The following RNGTT variants were observed in gnomAD, a reference collection of about 807,000 sequenced individuals.
RNGTT encodes the protein mRNA-capping enzyme.
Under a neutral mutation model 79.3 loss-of-function variants are expected in RNGTT, and 33 were observed. That is an observed-to-expected ratio of 0.42 (90% CI 0.32 to 0.56). RNGTT has a LOEUF of 0.56. Ranked by LOEUF, RNGTT falls within the 20% of genes least tolerant of loss-of-function variation. The pLI is 0.17. For missense variants in RNGTT, 497 were observed against 739.1 expected (o/e 0.67, Z 3.80); for synonymous variants, 222 against 235.9 (o/e 0.94, Z 0.54).
At chr6:88,622,378 T>C (rs957993653) in intron 14 of RNGTT, among the ~76,000 whole-genome samples, 8 of 152,186 alleles carry the variant, frequency 5.3e-5, no homozygotes, top group Non-Finnish European at 1.0e-4. Flanking sequence ...TTGTATTTAC[T>C]ATGATGACTA....
intron 14 of RNGTT, among the ~76,000 whole-genome samples, chr6:88,654,923 A>T (rs1292669146): frequency 6.6e-6 from 1 of 152,252 alleles, no homozygotes; most frequent in East Asian, 1.9e-4. Flanking sequence ...CATTACATGT[A>T]TATAAATACA....
At chr6:88,718,505 TAA>T (rs1006525365) in intron 13 of RNGTT, among the ~76,000 whole-genome samples, 9 of 151,716 alleles carry the variant, frequency 5.9e-5, no homozygotes, top group Non-Finnish European at 1.0e-4. Flanking sequence ...TGACAAAAAT[TAA>T]AAAAAATAAA....
intron 10 of RNGTT, among the ~76,000 whole-genome samples, chr6:88,847,775 T>G (rs1381951954): frequency 2.0e-5 from 3 of 152,016 alleles, no homozygotes; most frequent in South Asian, 2.1e-4. Flanking sequence ...TTATTAAAAT[T>G]TAAAGCTTCT....
chr6:88,664,259 G>A (rs1191369769), intron 14 of RNGTT, among the ~76,000 whole-genome samples: 1 of 152,142 alleles, frequency 6.6e-6, no homozygotes, highest in Admixed American at 6.5e-5. Context: ...AGGAAAGCAA[G>A]AAAGTCCAGT....
At chr6:88,713,670 C>A (rs1776396981) in intron 13 of RNGTT, among the ~76,000 whole-genome samples, 1 of 152,028 alleles carries the variant, frequency 6.6e-6, no homozygotes, top group Non-Finnish European at 1.5e-5. Context: ...TTTTTCTTTA[C>A]ATTGTAAAAA....
Position 88,906,421 on chromosome 6 carries a change from G to A in RNGTT, c.387C>T (p.Gly129=). The A allele has an allele frequency of 6.2e-7, 1 of 1,602,988 alleles. No individual in the cohort carries two copies. Among genetic ancestry groups the A allele is most frequent in the East Asian group, 2.2e-5 (1 of 44,684 alleles). The part of the protein sequence containing the change: ...PELIGVHCTH[G]FNRTGFLICA... ...ATATGAGGAAACCAGTGCGATTGAA[G>A]CCATGAGTACAATGAACACCTAGAA... The change falls in exon 5 of 16, where the codon GGC becomes GGT. Residue 129 remains glycine, a synonymous_variant. Transcript: ENST00000369485.
intron 12 of RNGTT, among the ~76,000 whole-genome samples, chr6:88,786,852 G>GT (rs1407103623): frequency 2.0e-5 from 3 of 152,088 alleles, no homozygotes; most frequent in African/African-American, 4.8e-5. Context: ...GTATTAGGAG[G>GT]TGGGACCTTT....
rs571440885 is a variant in RNGTT, at chr6:88,670,646, C to T, written c.1506+7707G>A. ...GTTAAACATCAACTCCTGACCTAACCGCTTGTGCTATCCATAGATTCCAGA... is the reference window on the plus strand; with the variant it reads ...GTTAAACATCAACTCCTGACCTAACTGCTTGTGCTATCCATAGATTCCAGA... On this transcript the variant is annotated intron_variant, in intron 14 of 15. Transcript: ENST00000369485. Among the ~76,000 whole-genome samples, 10 of 152,294 alleles carry T rather than the reference C, an allele frequency of 6.6e-5. No homozygotes were observed. The East Asian group carries it at 1.2e-3, about 18-fold the overall frequency.
intron 1 of RNGTT, among the ~76,000 whole-genome samples, chr6:88,946,645 TCTCC>T (rs1472695895): frequency 3.5e-4 from 53 of 151,470 alleles, no homozygotes; most frequent in African/African-American, 1.2e-3. Context: ...TCCCTCTCCC[TCTCC>T]CTCTCCCTCT....
intron 13 of RNGTT, among the ~76,000 whole-genome samples, chr6:88,760,298 C>T (rs1778169964): frequency 6.6e-6 from 1 of 152,048 alleles, no homozygotes; most frequent in Admixed American, 6.6e-5. Flanking sequence ...ACAGAGGAAA[C>T]AAGAGTTACT....
chr6:88,709,208 G>A (rs775256979), intron 13 of RNGTT, among the ~76,000 whole-genome samples: 12 of 152,252 alleles, frequency 7.9e-5, no homozygotes, highest in South Asian at 4.1e-4. Flanking sequence ...AGGAGGCTGA[G>A]GCAGGAGAAC....
chr6:88,871,018 A>T (rs1782335763), intron 8 of RNGTT, among the ~76,000 whole-genome samples: 1 of 152,176 alleles, frequency 6.6e-6, no homozygotes, highest in South Asian at 2.1e-4. Context: ...ATTTCAGAAA[A>T]TGCTGTTTGT....
chr6:88,837,290 G>T (rs964334204), intron 11 of RNGTT, among the ~76,000 whole-genome samples: 1 of 152,012 alleles, frequency 6.6e-6, no homozygotes, highest in Non-Finnish European at 1.5e-5. Context: ...CCAGCTACTC[G>T]GGAGGCTGAG....
chr6:88,818,419 C>T (rs1426857495), intron 11 of RNGTT, among the ~76,000 whole-genome samples: 1 of 151,380 alleles, frequency 6.6e-6, no homozygotes, highest in Non-Finnish European at 1.5e-5. Context: ...CCCGTCTCTA[C>T]TAAAAATACA....
intron 13 of RNGTT, among the ~76,000 whole-genome samples, chr6:88,754,217 G>A (rs1339638286): frequency 2.0e-5 from 3 of 152,006 alleles, no homozygotes; most frequent in East Asian, 3.9e-4. Context: ...TATGAAATTC[G>A]AGGGCTTCCT....
intron 1 of RNGTT, among the ~76,000 whole-genome samples, chr6:88,957,427 C>G (rs1259460928): frequency 6.6e-6 from 1 of 152,196 alleles, no homozygotes; most frequent in African/African-American, 2.4e-5. Context: ...GGAAGTCACA[C>G]TGTCACTGTT....
chr6:88,638,601 C>A (rs117259490), intron 14 of RNGTT, among the ~76,000 whole-genome samples: 2 of 152,040 alleles, frequency 1.3e-5, no homozygotes, highest in African/African-American at 4.8e-5. Context: ...AAAGTTTAGA[C>A]GAAAACAAAG....
chr6:88,739,725 T>TTATTTATATATATATA (rs1777405492), intron 13 of RNGTT, among the ~76,000 whole-genome samples: 4 of 94,150 alleles, frequency 4.2e-5, no homozygotes, highest in African/African-American at 1.4e-4. Flanking sequence ...GTGAAAAAAA[T>TTATTTATATATATATA]TATATATATA....
intron 11 of RNGTT, among the ~76,000 whole-genome samples, chr6:88,824,974 C>T (rs1780611143): frequency 6.6e-6 from 1 of 152,020 alleles, no homozygotes; most frequent in Non-Finnish European, 1.5e-5. Context: ...AACTCCTGAC[C>T]TCAAGTGATC....
Sources: gnomAD v4.1 joint callset for allele counts (sites outside exome capture counted in the v4.1 genomes callset) on GRCh38, gnomAD v4.1.1 for gene constraint, MANE v1.5 for transcripts, NCBI Gene and HGNC (gene_info 2026-07-23, HGNC 2026-07-21) for gene names.